Variants in UNC5D observed in about 807,000 individuals in gnomAD.
The protein encoded by UNC5D is unc-5 netrin receptor D, also known as netrin receptor UNC5D.
Under a neutral mutation model 105.4 loss-of-function variants are expected in UNC5D, and 39 were observed. The ratio of observed to expected loss-of-function variants is 0.37; its 90% confidence interval spans 0.29 to 0.48. The LOEUF (loss-of-function observed/expected upper bound fraction) is 0.48. Among genes scored for constraint, UNC5D ranks in the 20% least tolerant of loss-of-function variants. UNC5D has a pLI of 0.98. For missense variants in UNC5D, 991 were observed against 1,202.4 expected, an observed-to-expected ratio of 0.82 and a Z score of 2.60; for synonymous variants, 452 against 450.4, an observed-to-expected ratio of 1.00 and a Z score of -0.04.
rs147764839 is a variant in UNC5D at position 35,619,589 on chromosome 8, T to C, written c.570+23932T>C. The stretch of plus-strand genomic sequence containing the variant: ...CTGTCTGTCTGTTTCAGTGTCCATA[T>C]TGTTTGTTATTTTAAGGAGCTGGTA... On this transcript the variant is annotated intron_variant, in intron 4 of 16. Transcript: ENST00000404895. Among the ~76,000 whole-genome samples the C allele has an allele frequency of 1.3e-4, 20 of 152,322 alleles. No individual in the cohort carries two copies. In the East Asian group the frequency reaches 3.9e-3, roughly 29 times the overall value.
chr8:35,423,525 T>A (rs1385808155), intron 1 of UNC5D, among the ~76,000 whole-genome samples: 1 of 152,236 alleles, frequency 6.6e-6, no homozygotes, highest in Admixed American at 6.5e-5. Flanking sequence ...AGTTGATTTG[T>A]AGACACTTGT....
At chr8:35,550,674 G>A (rs1816065808) in intron 2 of UNC5D, among the ~76,000 whole-genome samples, 1 of 152,164 alleles carries the variant, frequency 6.6e-6, no homozygotes, top group South Asian at 2.1e-4. Context: ...TGAATGCTAT[G>A]CAGATGAAGT....
At chr8:35,487,838 C>T (rs1810933965) in intron 1 of UNC5D, among the ~76,000 whole-genome samples, 1 of 152,122 alleles carries the variant, frequency 6.6e-6, no homozygotes, top group Admixed American at 6.5e-5. Flanking sequence ...AAATGAGGAA[C>T]ATCATAGTGG....
At position 35,722,409 on chromosome 8, in the gene UNC5D, G is replaced by A; in HGVS notation, c.1303+14G>A. The A allele has an allele frequency of 6.2e-7, 1 of 1,611,156 alleles. No homozygotes were observed. Among genetic ancestry groups the A allele is most frequent in the Non-Finnish European group, 8.5e-7 (1 of 1,178,756 alleles). ...CAGTCCGTCAAGGTCAGCGGCATAG[G>A]TCCCTCCACACCTCGTCCTCAGTGC... is the stretch of plus-strand genomic sequence containing the variant. On this transcript the variant is annotated intron_variant, in intron 9 of 16. Coordinates refer to ENST00000404895, the MANE Select transcript of UNC5D (RefSeq NM_080872.4).
intron 1 of UNC5D, among the ~76,000 whole-genome samples, chr8:35,509,452 C>G (rs759378405): frequency 2.9e-5 from 1 of 34,722 alleles, no homozygotes; most frequent in Non-Finnish European, 6.7e-5. Context: ...AATATAGATC[C>G]CTGTACAAAT....
intron 16 of UNC5D, among the ~76,000 whole-genome samples, chr8:35,776,952 A>G (rs1802275536): frequency 6.6e-6 from 1 of 152,140 alleles, no homozygotes; most frequent in African/African-American, 2.4e-5. Flanking sequence ...AGAACCCTGT[A>G]TCTACAAAGA....
At chr8:35,371,477 T>C (rs1802424657) in intron 1 of UNC5D, among the ~76,000 whole-genome samples, 1 of 152,174 alleles carries the variant, frequency 6.6e-6, no homozygotes, top group Non-Finnish European at 1.5e-5. Context: ...AAAGGGGATG[T>C]TAGAGACATG....
At chr8:35,425,768 T>C (rs188134043) in intron 1 of UNC5D, among the ~76,000 whole-genome samples, 2 of 152,246 alleles carry the variant, frequency 1.3e-5, no homozygotes, top group Non-Finnish European at 1.5e-5. Context: ...TTTGTGAGGG[T>C]TTGTTTTCTG....
At chr8:35,363,368 A>C (rs1801949481) in intron 1 of UNC5D, among the ~76,000 whole-genome samples, 1 of 152,128 alleles carries the variant, frequency 6.6e-6, no homozygotes, top group East Asian at 1.9e-4. Context: ...ATTCACTACT[A>C]TGAGAACAAT....
intron 1 of UNC5D, among the ~76,000 whole-genome samples, chr8:35,246,462 G>A (rs974165431): frequency 6.6e-6 from 1 of 152,010 alleles, no homozygotes; most frequent in African/African-American, 2.4e-5. Flanking sequence ...ATGCATACAT[G>A]TATAACTAAT....
intron 1 of UNC5D, among the ~76,000 whole-genome samples, chr8:35,381,546 G>C (rs1433645803): frequency 6.6e-6 from 1 of 152,292 alleles, no homozygotes; most frequent in East Asian, 1.9e-4. Flanking sequence ...CCGTGATTAT[G>C]TGTCTTAACT....
rs1414697728 is a variant in UNC5D at position 35,686,711 on chromosome 8, TA to T, written c.1084+4del. On this transcript the variant is annotated splice_donor_region_variant and intron_variant, in intron 7 of 16. Coordinates refer to ENST00000404895, the MANE Select transcript of UNC5D (RefSeq NM_080872.4). ...GCACAGATGGTCTTTGCATCCTAGG[TA>T]ACACTTTTGCTTTAACATCTTCAGT... 1.3e-6 allele frequency: 2 copies of T among 1,582,056 alleles called. No individual in the cohort carries two copies. The highest frequency in any genetic ancestry group is 1.7e-6 in the Non-Finnish European group (2 of 1,165,828).
chr8:35,462,796 C>A (rs950594028), intron 1 of UNC5D, among the ~76,000 whole-genome samples: 1 of 152,110 alleles, frequency 6.6e-6, no homozygotes, highest in Non-Finnish European at 1.5e-5. Flanking sequence ...AAAGTCACTG[C>A]CCTATTGATG....
intron 11 of UNC5D, among the ~76,000 whole-genome samples, chr8:35,737,245 A>C (rs1394691620): frequency 7.0e-6 from 1 of 142,826 alleles, no homozygotes; most frequent in African/African-American, 2.7e-5. Flanking sequence ...ACTTGGCAAG[A>C]TCTGCTCTGT....
intron 1 of UNC5D, among the ~76,000 whole-genome samples, chr8:35,325,434 T>C (rs1482027114): frequency 6.6e-6 from 1 of 152,000 alleles, no homozygotes; most frequent in East Asian, 1.9e-4. Context: ...AAAAGTAAGA[T>C]TGAAAAACCT....
intron 4 of UNC5D, among the ~76,000 whole-genome samples, chr8:35,629,002 A>T (rs1586287827): frequency 1.3e-5 from 2 of 152,180 alleles, no homozygotes; most frequent in Non-Finnish European, 2.9e-5. Flanking sequence ...CTCTGTGGGT[A>T]TCTTTGATGC....
chr8:35,684,609 A>T lies in UNC5D; in HGVS notation c.779A>T (p.Glu260Val), dbSNP rs1211677509. The T allele has an allele frequency of 6.2e-7, 1 of 1,612,954 alleles. No individual in the cohort carries two copies. Among genetic ancestry groups the T allele is most frequent in the Admixed American group, 1.7e-5 (1 of 59,946 alleles). Reference protein sequence around the residue: ...YVNGGWSSWTEWSACNVRCGR... With the variant: ...YVNGGWSSWTVWSACNVRCGR... Reference sequence around the variant, plus strand: ...AATGGAGGCTGGTCTTCCTGGACAGAGTGGTCAGCCTGCAATGTTCGCTGT... The same window carrying T: ...AATGGAGGCTGGTCTTCCTGGACAGTGTGGTCAGCCTGCAATGTTCGCTGT... Residue 260 changes from glutamate to valine, a missense_variant, in exon 6 of 17, where the codon GAG becomes GTG. Physicochemically the swap from Glu to Val is moderately radical, Grantham distance 121. Transcript: ENST00000404895.
chr8:35,525,170 A>T, intron 1 of UNC5D: 2 of 1,609,208 alleles, frequency 1.2e-6, no homozygotes, highest in Non-Finnish European at 1.7e-6. Flanking sequence ...CTCCATGTGT[A>T]CGGACTCAGG....
At chr8:35,681,350 T>C (rs963578364) in intron 4 of UNC5D, among the ~76,000 whole-genome samples, 2 of 152,198 alleles carry the variant, frequency 1.3e-5, no homozygotes, top group Non-Finnish European at 2.9e-5. Context: ...ATATTTCTAT[T>C]TTACCCATTC....
Sources: gnomAD v4.1 joint callset for allele counts (sites outside exome capture counted in the v4.1 genomes callset) on GRCh38, gnomAD v4.1.1 for gene constraint, MANE v1.5 for transcripts, NCBI Gene and HGNC (gene_info 2026-07-23, HGNC 2026-07-21) for gene names.